The following DYNLL2 variants were observed in gnomAD, a reference collection of about 807,000 sequenced individuals.
DYNLL2 encodes the protein dynein light chain LC8-type 2.
In DYNLL2, 1 loss-of-function variant was observed where a neutral mutation model predicts 9.7. The observed-to-expected ratio is 0.10, with a 90% confidence interval of 0.04 to 0.49. The LOEUF (loss-of-function observed/expected upper bound fraction) is 0.49, where lower values mean the gene tolerates loss of function less well. Ranked by LOEUF, DYNLL2 falls within the 20% of genes least tolerant of loss-of-function variation. The pLI is 0.95. For synonymous variants in DYNLL2, 35 were observed against 40.5 expected, an observed-to-expected ratio of 0.86 and a Z score of 0.52; for missense variants, 37 against 115.2, an observed-to-expected ratio of 0.32 and a Z score of 3.11.
In DYNLL2 at chr17:58,083,818, C is replaced by T. The variant is rs909492008; in HGVS notation, c.-10+135C>T. ...CCAAGGCCTGGAACAGGGCTGGCCC[C>T]GCAGCCCTTGGCGTTGACGGTCCGG... On this transcript the variant is annotated intron_variant, in intron 1 of 2. Transcript: ENST00000579991. 3.6e-4 allele frequency: 54 copies of T among 151,952 alleles called. 1 individual carries two copies. Among genetic ancestry groups the T allele is most frequent in the African/African-American group, 1.2e-3 (51 of 41,506 alleles). 9.4% of individuals were successfully genotyped at this position (151,952 alleles called of 1,614,324 possible). A position where few individuals can be genotyped will look rare whatever the true frequency, so the allele number is the denominator to read the frequency against.
rs2143605600 is a variant in DYNLL2 at position 58,094,615 on chromosome 17, ACT to A, written c.*5339_*5340del. On this transcript the variant is annotated 3_prime_UTR_variant, in exon 3 of 3. Coordinates refer to ENST00000579991, the MANE Select transcript of DYNLL2 (RefSeq NM_080677.3). ...TACTAGGTTCTGAGCCCTGTACTGA[ACT>A]CTGGATTGCCCTGTACTTGGTGGTG... 1 of 152,116 alleles carries A rather than the reference ACT, an allele frequency of 6.6e-6. No homozygotes were observed. The highest frequency in any genetic ancestry group is 2.1e-4 in the South Asian group (1 of 4,822). The allele number at this position is 152,116 out of a possible 1,614,324, so 9.4% of individuals were successfully genotyped here.
Position 58,093,723 on chromosome 17 carries a change from C to T in DYNLL2, c.*4444C>T, listed in dbSNP as rs2075788418. On this transcript the variant is annotated 3_prime_UTR_variant, in exon 3 of 3. Coordinates refer to ENST00000579991, the MANE Select transcript of DYNLL2 (RefSeq NM_080677.3). The stretch of plus-strand genomic sequence containing the variant: ...TCTACTAAGGATTAAGGAGCCACCT[C>T]TTCCTCCTTAAGGCCTTTGGGAGAG... The T allele has an allele frequency of 1.3e-5, 2 of 152,200 alleles. No individual in the cohort carries two copies. Among genetic ancestry groups the T allele is most frequent in the Non-Finnish European group, 2.9e-5 (2 of 68,050 alleles). 9.4% of individuals were successfully genotyped at this position (152,200 alleles called of 1,614,324 possible). A position where few individuals can be genotyped will look rare whatever the true frequency, so the allele number is the denominator to read the frequency against.
At position 58,091,029 on chromosome 17, in the gene DYNLL2, C is replaced by G. The variant is rs1423205185; in HGVS notation, c.*1750C>G. ...CCTTCAGTGGGCACAAAATTGAGTG[C>G]TTGATTTTAGGTTTTATTTTTTTAT... On this transcript the variant is annotated 3_prime_UTR_variant, in exon 3 of 3. Coordinates refer to ENST00000579991, the MANE Select transcript of DYNLL2 (RefSeq NM_080677.3). 2.0e-5 allele frequency: 3 copies of G among 151,982 alleles called. No individual in the cohort carries two copies. The highest frequency in any genetic ancestry group is 4.4e-5 in the Non-Finnish European group (3 of 68,014). 9.4% of individuals were successfully genotyped at this position (151,982 alleles called of 1,614,324 possible).
intron 2 of DYNLL2, among the ~76,000 whole-genome samples, 177 bp from the exon 3 acceptor site, chr17:58,088,965 C>T (rs1352016662): frequency 6.6e-6 from 1 of 151,620 alleles, no homozygotes; most frequent in Non-Finnish European, 1.5e-5. Flanking sequence ...GAAGAGTGTC[C>T]TGGCCAGCTT....
intron 2 of DYNLL2, 83 bp from the exon 3 acceptor site, chr17:58,089,059 G>A: frequency 3.9e-6 from 6 of 1,552,448 alleles, no homozygotes; most frequent in Non-Finnish European, 5.3e-6. Context: ...CGGTGCTGGA[G>A]TTGCAGGGAG....
At position 58,089,514 on chromosome 17, in the gene DYNLL2, A is replaced by G; in HGVS notation, c.*235A>G. 1.9e-6 allele frequency: 1 copy of G among 521,118 alleles called. No individual in the cohort carries two copies. The highest frequency in any genetic ancestry group is 3.2e-6 in the Non-Finnish European group (1 of 310,542). The allele number at this position is 521,118 out of a possible 1,614,324, so 32.3% of individuals were successfully genotyped here. A position where few individuals can be genotyped will look rare whatever the true frequency, so the allele number is the denominator to read the frequency against. Reference sequence around the variant, plus strand: ...GTTTATTTTTCAAGACTTTAAAAATATTTTTTGGTTGTATTGCACTAGGAA... The same window carrying G: ...GTTTATTTTTCAAGACTTTAAAAATGTTTTTTGGTTGTATTGCACTAGGAA... On this transcript the variant is annotated 3_prime_UTR_variant, in exon 3 of 3. Transcript: ENST00000579991.
chr17:58,092,824 C>G lies in DYNLL2; in HGVS notation c.*3545C>G, dbSNP rs564218710. ...TCTGTTCCCTGAACTCTAGTGTCCT[C>G]CAGACTAGATTTAAGGTGTGGTTCC... On this transcript the variant is annotated 3_prime_UTR_variant, in exon 3 of 3. Transcript: ENST00000579991. 1 of 152,220 alleles carries G rather than the reference C, an allele frequency of 6.6e-6. No individual in the cohort carries two copies. The highest frequency in any genetic ancestry group is 1.5e-5 in the Non-Finnish European group (1 of 68,046). 9.4% of individuals were successfully genotyped at this position (152,220 alleles called of 1,614,324 possible). A position where few individuals can be genotyped will look rare whatever the true frequency, so the allele number is the denominator to read the frequency against.
intron 2 of DYNLL2, 54 bp from the exon 3 acceptor site, chr17:58,089,088 C>G: frequency 6.2e-7 from 1 of 1,607,116 alleles, no homozygotes; most frequent in Non-Finnish European, 8.5e-7. Flanking sequence ...ATTCTGATTT[C>G]TCCTTCTCCA....
rs1209530142 is a variant in DYNLL2, at chr17:58,089,596, C to T, written c.*317C>T. 8 of 436,600 alleles carry T rather than the reference C, an allele frequency of 1.8e-5. No individual in the cohort carries two copies. The highest frequency in any genetic ancestry group is 2.0e-5 in the African/African-American group (1 of 48,914). 27.0% of individuals were successfully genotyped at this position (436,600 alleles called of 1,614,324 possible). A position where few individuals can be genotyped will look rare whatever the true frequency, so the allele number is the denominator to read the frequency against. On this transcript the variant is annotated 3_prime_UTR_variant, in exon 3 of 3. Transcript: ENST00000579991. ...TCCCTATACAAAATAAAAGGCCCAC[C>T]ATAGAGACTAGGCGGCCGAAAGACT...
chr17:58,084,220 C>T (rs1323998594), intron 1 of DYNLL2, among the ~76,000 whole-genome samples: 1 of 151,888 alleles, frequency 6.6e-6, no homozygotes, highest in Non-Finnish European at 1.5e-5. Context: ...GATGCTTCCT[C>T]GTTCCCCAGG....
chr17:58,084,763 G>A (rs1198815906), intron 1 of DYNLL2, among the ~76,000 whole-genome samples: 1 of 152,118 alleles, frequency 6.6e-6, no homozygotes. Context: ...AGGTGAGCTT[G>A]CAGGCAAAAT....
intron 1 of DYNLL2, 97 bp from the exon 2 acceptor site, chr17:58,086,985 T>C (rs2075762410): frequency 5.5e-6 from 8 of 1,465,054 alleles, no homozygotes; most frequent in Non-Finnish European, 9.4e-7. Flanking sequence ...CCTCACCTTC[T>C]ATACTCCCCT....
intron 2 of DYNLL2, among the ~76,000 whole-genome samples, chr17:58,088,845 G>C (rs923063347): frequency 6.6e-6 from 1 of 152,056 alleles, no homozygotes; most frequent in African/African-American, 2.4e-5. Context: ...TAGGGGTGGC[G>C]TGAGGGGGTG....
At chr17:58,088,293 T>C (rs2075767878) in intron 2 of DYNLL2, among the ~76,000 whole-genome samples, 1 of 152,188 alleles carries the variant, frequency 6.6e-6, no homozygotes, top group African/African-American at 2.4e-5. Context: ...GGTTTAGTAT[T>C]TACTCCTAGT....
At position 58,092,177 on chromosome 17, in the gene DYNLL2, A is replaced by G. The variant is rs2075782552; in HGVS notation, c.*2898A>G. 6.6e-6 allele frequency: 1 copy of G among 152,212 alleles called. No individual in the cohort carries two copies. Among genetic ancestry groups the G allele is most frequent in the Admixed American group, 6.5e-5 (1 of 15,288 alleles). 9.4% of individuals were successfully genotyped at this position (152,212 alleles called of 1,614,324 possible). ...TGAGGTCCTAAGGGATTAAGTTGAGAGACTCTAGAGCCCCAACTTCTGTTA... is the reference window on the plus strand; with the variant it reads ...TGAGGTCCTAAGGGATTAAGTTGAGGGACTCTAGAGCCCCAACTTCTGTTA... On this transcript the variant is annotated 3_prime_UTR_variant, in exon 3 of 3. Coordinates refer to ENST00000579991, the MANE Select transcript of DYNLL2 (RefSeq NM_080677.3).
chr17:58,085,567 A>G (rs962845624), intron 1 of DYNLL2, among the ~76,000 whole-genome samples: 37 of 152,286 alleles, frequency 2.4e-4, no homozygotes, highest in African/African-American at 7.9e-4. Flanking sequence ...ACTGTGGTCA[A>G]GGACAAAGGG....
intron 1 of DYNLL2, among the ~76,000 whole-genome samples, chr17:58,086,814 C>G (rs1236293507): frequency 6.6e-6 from 1 of 152,148 alleles, no homozygotes; most frequent in Non-Finnish European, 1.5e-5. Flanking sequence ...TTCAGAATAT[C>G]GGAAGTAAAT....
chr17:58,083,896 C>T (rs2075746595), intron 1 of DYNLL2, among the ~76,000 whole-genome samples: 1 of 151,498 alleles, frequency 6.6e-6, no homozygotes, highest in South Asian at 2.1e-4. Context: ...CCGGGCTGCG[C>T]CACCCTTTGC....
intron 2 of DYNLL2, among the ~76,000 whole-genome samples, chr17:58,088,653 C>T (rs1365852385): frequency 6.6e-6 from 1 of 152,188 alleles, no homozygotes; most frequent in South Asian, 2.1e-4. Flanking sequence ...AGTAGTGCCT[C>T]CTGGTACTCC....
Sources: gnomAD v4.1 joint callset for allele counts (sites outside exome capture counted in the v4.1 genomes callset) on GRCh38, gnomAD v4.1.1 for gene constraint, MANE v1.5 for transcripts, NCBI Gene and HGNC (gene_info 2026-07-23, HGNC 2026-07-21) for gene names.